CSMD1: variants seen among roughly 807,000 people sequenced by gnomAD.
CSMD1 encodes the protein CUB and sushi domain-containing protein 1.
A neutral mutation model predicts 417.5 loss-of-function variants in CSMD1; 213 were observed. The observed-to-expected ratio is 0.51, with a 90% CI of 0.46 to 0.57. The LOEUF (loss-of-function observed/expected upper bound fraction) is 0.57. CSMD1 is among the 20% of genes least tolerant of loss of function. The pLI is 0.00. For missense variants in CSMD1, 6,923 were observed against 4,529.7 expected (o/e 1.53, Z -15.17); for synonymous variants, 2,862 against 1,736.8 (o/e 1.65, Z -16.11).
At chr8:4,144,354 A>C (rs1350553764) in intron 3 of CSMD1, among the ~76,000 whole-genome samples, 1 of 151,036 alleles carries the variant, frequency 6.6e-6, no homozygotes, top group Non-Finnish European at 1.5e-5. Flanking sequence ...TTTCTTCTGT[A>C]ATTTTCTGAT....
At chr8:3,069,006 A>C (rs1263761974) in intron 49 of CSMD1, among the ~76,000 whole-genome samples, 1 of 152,136 alleles carries the variant, frequency 6.6e-6, no homozygotes, top group Non-Finnish European at 1.5e-5. Context: ...GCCTCATCTG[A>C]GACAAGGAGA....
intron 49 of CSMD1, among the ~76,000 whole-genome samples, chr8:3,082,619 T>C (rs970962929): frequency 1.1e-4 from 16 of 152,202 alleles, no homozygotes; most frequent in African/African-American, 3.4e-4. Context: ...TAAGTCTGAA[T>C]TGAAAAGAAA....
At chr8:4,202,911 C>T (rs1799744092) in intron 3 of CSMD1, among the ~76,000 whole-genome samples, 1 of 152,094 alleles carries the variant, frequency 6.6e-6, no homozygotes, top group South Asian at 2.1e-4. Context: ...TGTGTGGACA[C>T]CTGGAGTGAG....
intron 3 of CSMD1, among the ~76,000 whole-genome samples, chr8:4,080,265 C>A (rs1800058873): frequency 6.6e-6 from 1 of 152,132 alleles, no homozygotes; most frequent in Admixed American, 6.5e-5. Context: ...AACAATGACT[C>A]CTACTTGACA....
intron 21 of CSMD1, among the ~76,000 whole-genome samples, chr8:3,348,557 C>G (rs930625014): frequency 6.6e-6 from 1 of 152,192 alleles, no homozygotes; most frequent in Non-Finnish European, 1.5e-5. Context: ...CGCTCCCATT[C>G]TACCATTGTT....
intron 3 of CSMD1, among the ~76,000 whole-genome samples, chr8:4,119,898 G>C (rs1376079974): frequency 2.0e-5 from 3 of 152,216 alleles, no homozygotes; most frequent in African/African-American, 7.2e-5. Context: ...AGTTGCCGGA[G>C]TCTGGTAAGG....
intron 41 of CSMD1, among the ~76,000 whole-genome samples, chr8:3,126,048 G>A (rs898842458): frequency 4.6e-5 from 7 of 152,190 alleles, no homozygotes; most frequent in African/African-American, 1.4e-4. Flanking sequence ...ACATACATGA[G>A]CCTTGAAGTA....
intron 1 of CSMD1, among the ~76,000 whole-genome samples, chr8:4,672,668 TGGGAGAAAG>T (rs140204222): frequency 0.088 from 13,370 of 152,072 alleles, 638 homozygotes; most frequent in East Asian, 0.14. Context: ...GAAAAAGTTT[TGGGAGAAAG>T]GGGAGAAAGG....
chr8:3,619,492 T>A (rs1377463715), intron 7 of CSMD1, among the ~76,000 whole-genome samples: 2 of 152,156 alleles, frequency 1.3e-5, no homozygotes, highest in Non-Finnish European at 2.9e-5. Flanking sequence ...TGCATCAGAC[T>A]TGCTAGACAA....
chr8:4,290,395 A>C (rs1797294886), intron 3 of CSMD1, among the ~76,000 whole-genome samples: 1 of 152,226 alleles, frequency 6.6e-6, no homozygotes. Flanking sequence ...AGGAAGTGGT[A>C]AACACAGATC....
rs1336907920 is a variant in CSMD1 at position 2,998,245 on chromosome 8, G to A, written c.8204-61C>T. On this transcript the variant is annotated intron_variant, in intron 53 of 69. Transcript: ENST00000635120. ...TGAACAGGTCATCACTTTCCCTTGG[G>A]ATTATTAATAAGAAACATGCAGGCA... The A allele has an allele frequency of 9.7e-6, 15 of 1,540,718 alleles. No homozygotes were observed. In the East Asian group the frequency reaches 2.0e-4, roughly 21 times the overall value.
intron 39 of CSMD1, among the ~76,000 whole-genome samples, chr8:3,155,972 T>C (rs140199521): frequency 2.4e-4 from 36 of 152,308 alleles, no homozygotes; most frequent in South Asian, 1.0e-3. Flanking sequence ...CTAAAAACCA[T>C]TGAATACCTA....
intron 10 of CSMD1, among the ~76,000 whole-genome samples, chr8:3,536,529 C>T (rs1221870894): frequency 6.6e-6 from 1 of 152,140 alleles, no homozygotes; most frequent in Non-Finnish European, 1.5e-5. Context: ...CGAGGATTGG[C>T]CTCCATGAGA....
chr8:4,535,535 C>G (rs1184516532), intron 2 of CSMD1, among the ~76,000 whole-genome samples: 2 of 152,056 alleles, frequency 1.3e-5, no homozygotes, highest in Non-Finnish European at 2.9e-5. Context: ...AATTTTTTAT[C>G]TTGTAACAGT....
intron 12 of CSMD1, among the ~76,000 whole-genome samples, chr8:3,466,026 A>G (rs1005062706): frequency 2.0e-5 from 3 of 152,214 alleles, no homozygotes; most frequent in East Asian, 1.9e-4. Flanking sequence ...TACTGTGCAC[A>G]CTATTATTTA....
intron 3 of CSMD1, among the ~76,000 whole-genome samples, chr8:4,397,165 T>C (rs1224827261): frequency 6.6e-6 from 1 of 152,182 alleles, no homozygotes; most frequent in Non-Finnish European, 1.5e-5. Context: ...TCTACGTCCA[T>C]GCATGATGAT....
intron 3 of CSMD1, among the ~76,000 whole-genome samples, chr8:4,327,126 G>C (rs753166301): frequency 2.6e-5 from 4 of 152,112 alleles, no homozygotes; most frequent in Non-Finnish European, 5.9e-5. Flanking sequence ...TGTAATATCT[G>C]TTATCATTGA....
In CSMD1 at chr8:3,891,112, G is replaced by A. The variant is rs1806942385; in HGVS notation, c.818+106791C>T. On this transcript the variant is annotated intron_variant, in intron 5 of 69. Coordinates refer to ENST00000635120, the MANE Select transcript of CSMD1 (RefSeq NM_033225.6). The stretch of plus-strand genomic sequence containing the variant: ...CATCCAGGCTGGAGTGTAGTGTTGT[G>A]ATCTTGGCTCATTACAACCTCCACC... Among the ~76,000 whole-genome samples the A allele has an allele frequency of 1.3e-5, 2 of 151,708 alleles. 1 individual carries two copies. The highest frequency in any genetic ancestry group is 4.2e-4 in the South Asian group (2 of 4,802).
chr8:3,725,645 A>G (rs1465043333), intron 6 of CSMD1, among the ~76,000 whole-genome samples: 1 of 152,022 alleles, frequency 6.6e-6, no homozygotes, highest in African/African-American at 2.4e-5. Context: ...AAGCAACAGG[A>G]TGGAGTGAGC....
Sources: gnomAD v4.1 joint callset for allele counts (sites outside exome capture counted in the v4.1 genomes callset) on GRCh38, gnomAD v4.1.1 for gene constraint, MANE v1.5 for transcripts, NCBI Gene and HGNC (gene_info 2026-07-23, HGNC 2026-07-21) for gene names.